The following PDPN variants were observed in gnomAD, a reference collection of about 807,000 sequenced individuals.
The protein encoded by PDPN is PA2.26 antigen.
A neutral mutation model predicts 23.2 loss-of-function variants in PDPN; 12 were observed. That is an observed-to-expected ratio of 0.52 (90% CI 0.33 to 0.84). The LOEUF is 0.84. Among genes scored for constraint, PDPN ranks in the 40% least tolerant of loss-of-function variants. The pLI, the probability that PDPN is intolerant of heterozygous loss-of-function variation, is 0.02. For synonymous variants in PDPN, 77 were observed against 76.7 expected, an observed-to-expected ratio of 1.00 and a Z score of -0.02; for missense variants, 199 against 212.2, an observed-to-expected ratio of 0.94 and a Z score of 0.39.
chr1:13,597,877 A>G (rs1640536690), intron 1 of PDPN, among the ~76,000 whole-genome samples: 1 of 152,052 alleles, frequency 6.6e-6, no homozygotes, highest in South Asian at 2.1e-4. Flanking sequence ...CGAGAGGCTA[A>G]GGTGGGAGGA....
intron 3 of PDPN, among the ~76,000 whole-genome samples, chr1:13,611,778 T>C (rs1035449196): frequency 1.3e-5 from 2 of 152,154 alleles, no homozygotes; most frequent in Non-Finnish European, 1.5e-5. Flanking sequence ...GGGGGAACCT[T>C]ATAAAGGGCT....
chr1:13,588,336 G>T (rs12066556), intron 1 of PDPN, among the ~76,000 whole-genome samples: 12,142 of 152,032 alleles, frequency 0.08, 727 homozygotes, highest in African/African-American at 0.17. Flanking sequence ...AAAGGGGCAT[G>T]CTAGAATATT....
At chr1:13,614,238 T>C (rs540204781) in intron 4 of PDPN, 62 bp from the exon 5 acceptor site, 15 of 835,628 alleles carry the variant, frequency 1.8e-5, no homozygotes, top group South Asian at 8.7e-5. Flanking sequence ...ATATGTTACA[T>C]ATTTTATCAC....
At chr1:13,584,575 C>T (rs186552845) in intron 1 of PDPN, among the ~76,000 whole-genome samples, 4 of 152,314 alleles carry the variant, frequency 2.6e-5, no homozygotes, top group Admixed American at 2.6e-4. Context: ...GGCCCTGGTC[C>T]CCCTTGGGAC....
intron 1 of PDPN, among the ~76,000 whole-genome samples, chr1:13,604,279 T>G (rs1287668674): frequency 6.6e-6 from 1 of 152,212 alleles, no homozygotes; most frequent in Non-Finnish European, 1.5e-5. Flanking sequence ...CATGAGATGC[T>G]GGCTGGAAAC....
chr1:13,585,698 T>TTCTTTCTTTAGTAGTGG, intron 1 of PDPN: 1 of 1,273,024 alleles, frequency 7.9e-7, no homozygotes, highest in Non-Finnish European at 1.1e-6. Context: ...GAAACTCCAC[T>TTCTTTCTTTAGTAGTGG]ACTAAAGAAA....
intron 1 of PDPN, among the ~76,000 whole-genome samples, chr1:13,589,487 G>A (rs186961662): frequency 1.3e-5 from 2 of 152,290 alleles, no homozygotes; most frequent in Admixed American, 6.5e-5. Flanking sequence ...AACAGCTAGC[G>A]TTTACTGAGT....
chr1:13,590,119 C>T (rs1220871939), intron 1 of PDPN, among the ~76,000 whole-genome samples: 1 of 152,250 alleles, frequency 6.6e-6, no homozygotes, highest in African/African-American at 2.4e-5. Context: ...TAAGCCACCG[C>T]TCCCTGCCAC....
intron 1 of PDPN, among the ~76,000 whole-genome samples, chr1:13,602,729 AT>A (rs916246016): frequency 8.1e-4 from 119 of 146,300 alleles, no homozygotes; most frequent in Middle Eastern, 3.5e-3. Flanking sequence ...TGCCTGGCTA[AT>A]TTTTTTTTTT....
chr1:13,607,110 C>T (rs541568400), intron 1 of PDPN, 63 bp from the exon 2 acceptor site: 34 of 1,510,918 alleles, frequency 2.3e-5, no homozygotes, highest in African/African-American at 5.7e-5. Flanking sequence ...CGAATGTAGC[C>T]GACAAGTTGG....
intron 2 of PDPN, among the ~76,000 whole-genome samples, chr1:13,609,449 A>T (rs901651345): frequency 1.3e-5 from 2 of 152,208 alleles, no homozygotes; most frequent in African/African-American, 2.4e-5. Context: ...TGGTTAAAAA[A>T]ATAACATGAA....
chr1:13,597,867 C>G (rs1570029305), intron 1 of PDPN, among the ~76,000 whole-genome samples: 1 of 151,866 alleles, frequency 6.6e-6, no homozygotes, highest in South Asian at 2.1e-4. Context: ...CCCAGCTACT[C>G]GAGAGGCTAA....
At chr1:13,602,471 CAAA>C (rs1419228600) in intron 1 of PDPN, among the ~76,000 whole-genome samples, 1 of 152,166 alleles carries the variant, frequency 6.6e-6, no homozygotes, top group Non-Finnish European at 1.5e-5. Flanking sequence ...CTCCACAAAT[CAAA>C]GAAGTGTAAA....
intron 2 of PDPN, among the ~76,000 whole-genome samples, chr1:13,609,224 T>G (rs1186556628): frequency 1.3e-5 from 2 of 152,202 alleles, no homozygotes; most frequent in Non-Finnish European, 2.9e-5. Context: ...TAGTCTAGTC[T>G]AGACAAGGCT....
chr1:13,608,755 T>A (rs996995986), intron 2 of PDPN, among the ~76,000 whole-genome samples: 1 of 152,090 alleles, frequency 6.6e-6, no homozygotes, highest in South Asian at 2.1e-4. Context: ...CGGGAAAGGG[T>A]TTTTTTATTC....
intron 2 of PDPN, among the ~76,000 whole-genome samples, chr1:13,609,868 C>T (rs1640888940): frequency 6.6e-6 from 1 of 152,058 alleles, no homozygotes; most frequent in Non-Finnish European, 1.5e-5. Flanking sequence ...AGTTCGAGGC[C>T]AGCCTGACCA....
intron 1 of PDPN, among the ~76,000 whole-genome samples, chr1:13,594,190 A>G (rs1220110821): frequency 6.6e-6 from 1 of 152,222 alleles, no homozygotes; most frequent in African/African-American, 2.4e-5. Context: ...TTACAGCAGA[A>G]TGGGGCCTTA....
chr1:13,596,505 T>A (rs12031470), intron 1 of PDPN, among the ~76,000 whole-genome samples: 1 of 152,220 alleles, frequency 6.6e-6, no homozygotes, highest in Non-Finnish European at 1.5e-5. Context: ...AAAAGTTCAC[T>A]GGCCACATCA....
chr1:13,612,194 C>T (rs958867350), intron 3 of PDPN, among the ~76,000 whole-genome samples: 4 of 152,066 alleles, frequency 2.6e-5, no homozygotes, highest in Admixed American at 6.5e-5. Context: ...ACATGTGAGC[C>T]AAAATGTCAT....
Sources: gnomAD v4.1 joint callset for allele counts (sites outside exome capture counted in the v4.1 genomes callset) on GRCh38, gnomAD v4.1.1 for gene constraint, MANE v1.5 for transcripts, NCBI Gene and HGNC (gene_info 2026-07-23, HGNC 2026-07-21) for gene names.